MDM1: variants seen among roughly 807,000 people sequenced by gnomAD.
The protein encoded by MDM1 is stabilizer of axonemal microtubules 6.
A neutral mutation model predicts 89.1 loss-of-function variants in MDM1; 61 were observed. That is an observed-to-expected ratio of 0.68 (90% CI 0.56 to 0.85). The LOEUF (loss-of-function observed/expected upper bound fraction) is 0.85. MDM1 is among the 40% of genes least tolerant of loss of function. The pLI, the probability that MDM1 is intolerant of heterozygous loss-of-function variation, is 0.00. For synonymous variants in MDM1, 290 were observed against 294.1 expected (o/e 0.99, Z 0.14); for missense variants, 820 against 846.5 (o/e 0.97, Z 0.39).
rs1464414281 is a variant in MDM1 at position 68,295,170 on chromosome 12, A to G, written c.*84T>C. 1 of 809,872 alleles carries G rather than the reference A, an allele frequency of 1.2e-6. No individual in the cohort carries two copies. Among genetic ancestry groups the G allele is most frequent in the Non-Finnish European group, 2.0e-6 (1 of 494,666 alleles). 50.2% of individuals were successfully genotyped at this position (809,872 alleles called of 1,614,324 possible). On this transcript the variant is annotated 3_prime_UTR_variant, in exon 15 of 15. Coordinates refer to ENST00000682720, the MANE Select transcript of MDM1 (RefSeq NM_001354969.2). ...TTCAAAGTAGAAAACGTTAGGAAAA[A>G]CTTCACTCAAAAAATTTTAACACAG... is the stretch of plus-strand genomic sequence containing the variant.
chr12:68,314,051 G>A (rs1324827540), intron 10 of MDM1, among the ~76,000 whole-genome samples: 1 of 151,376 alleles, frequency 6.6e-6, no homozygotes, highest in African/African-American at 2.4e-5. Flanking sequence ...GCGGGAGAAT[G>A]GCGTGAACCC....
chr12:68,313,612 TAAATA>T, intron 11 of MDM1, 27 bp downstream of exon 11: 1 of 1,608,122 alleles, frequency 6.2e-7, no homozygotes, highest in African/African-American at 1.3e-5. Context: ...AAAAGCAGGT[TAAATA>T]AGAACTGCAC....
chr12:68,319,781 C>CA (rs1874976154), intron 7 of MDM1, among the ~76,000 whole-genome samples: 1 of 151,920 alleles, frequency 6.6e-6, no homozygotes, highest in South Asian at 2.1e-4. Flanking sequence ...ATTTAATAAG[C>CA]AAAAAAAGCT....
intron 2 of MDM1, chr12:68,327,359 T>C: frequency 6.5e-7 from 1 of 1,527,018 alleles, no homozygotes; most frequent in South Asian, 1.2e-5. Context: ...TCGTTTCTAA[T>C]TACTTTCCTG....
chr12:68,302,985 A>ACACAACC, intron 12 of MDM1, 113 bp from the exon 13 acceptor site: 58 of 966,712 alleles, frequency 6.0e-5, no homozygotes, highest in Non-Finnish European at 5.4e-5. Flanking sequence ...GAGAAATATG[A>ACACAACC]GAGAATTTAT....
At chr12:68,315,371 T>C (rs1874350505) in intron 9 of MDM1, 106 bp from the exon 10 acceptor site, 24 of 1,045,608 alleles carry the variant, frequency 2.3e-5, no homozygotes, top group Non-Finnish European at 2.9e-5. Context: ...CACAACTACA[T>C]GTTTTCCATA....
intron 7 of MDM1, among the ~76,000 whole-genome samples, chr12:68,319,350 T>C (rs1874915819): frequency 6.6e-6 from 1 of 152,146 alleles, no homozygotes; most frequent in Non-Finnish European, 1.5e-5. Context: ...ATTCAAAAAG[T>C]ATATCTCAAA....
In MDM1 at chr12:68,295,131, T is replaced by C. The variant is rs999179640; in HGVS notation, c.*123A>G. Reference sequence around the variant, plus strand: ...ACAATTTCCAAGTAAACTGTTCTATTGGAAATTAAATATTTCAAAGTAGAA... The same window carrying C: ...ACAATTTCCAAGTAAACTGTTCTATCGGAAATTAAATATTTCAAAGTAGAA... On this transcript the variant is annotated 3_prime_UTR_variant, in exon 15 of 15. Coordinates refer to ENST00000682720, the MANE Select transcript of MDM1 (RefSeq NM_001354969.2). The C allele has an allele frequency of 1.7e-6, 1 of 600,106 alleles. No individual in the cohort carries two copies. Among genetic ancestry groups the C allele is most frequent in the Non-Finnish European group, 3.0e-6 (1 of 336,040 alleles). The allele number at this position is 600,106 out of a possible 1,614,324, so 37.2% of individuals were successfully genotyped here.
At chr12:68,316,491 A>G (rs924784171) in intron 8 of MDM1, 90 bp downstream of exon 8, 2 of 1,123,232 alleles carry the variant, frequency 1.8e-6, no homozygotes, top group African/African-American at 1.6e-5. Context: ...CATAGCAGCT[A>G]AGAAAAATAT....
chr12:68,316,441 T>C, intron 8 of MDM1, 140 bp downstream of exon 8: 1 of 931,966 alleles, frequency 1.1e-6, no homozygotes, highest in East Asian at 2.6e-5. Context: ...TAAAGCATGA[T>C]GCAGTTATTT....
At chr12:68,320,238 C>T (rs191876988) in intron 7 of MDM1, among the ~76,000 whole-genome samples, 1 of 152,346 alleles carries the variant, frequency 6.6e-6, no homozygotes, top group East Asian at 1.9e-4. Context: ...CACTGCCTTT[C>T]TTCCATCACG....
chr12:68,312,003 G>A (rs149485202), intron 12 of MDM1, among the ~76,000 whole-genome samples: 29 of 152,158 alleles, frequency 1.9e-4, no homozygotes, highest in African/African-American at 5.1e-4. Flanking sequence ...TACCAGTCTC[G>A]TTTGTCACCA....
chr12:68,296,993 A>G lies in MDM1; in HGVS notation c.2003-11T>C. 1 of 1,587,866 alleles carries G rather than the reference A, an allele frequency of 6.3e-7. No individual in the cohort carries two copies. On this transcript the variant is annotated splice_polypyrimidine_tract_variant and intron_variant, in intron 13 of 14. Coordinates refer to ENST00000682720, the MANE Select transcript of MDM1 (RefSeq NM_001354969.2). ...TCCTTGCTTTTCCCACTTAAAAAAA[A>G]AAAGGCAGAATAAATTATCCTTCAA...
In MDM1 at chr12:68,296,985, T is replaced by TAA. The variant is rs748277745; in HGVS notation, c.2003-5_2003-4dup. The stretch of plus-strand genomic sequence containing the variant: ...ATTGTTCATCCTTGCTTTTCCCACT[T>TAA]AAAAAAAAAAAGGCAGAATAAATTA... On this transcript the variant is annotated splice_region_variant and splice_polypyrimidine_tract_variant and intron_variant, in intron 13 of 14. Transcript: ENST00000682720. 4.9e-5 allele frequency: 61 copies of TAA among 1,253,662 alleles called. No homozygotes were observed. Among genetic ancestry groups the TAA allele is most frequent in the Middle Eastern group, 4.1e-4 (2 of 4,926 alleles). 77.7% of individuals were successfully genotyped at this position (1,253,662 alleles called of 1,614,324 possible).
intron 4 of MDM1, chr12:68,324,861 A>G (rs1875731850): frequency 3.1e-6 from 1 of 318,356 alleles, no homozygotes. Context: ...TCTATTAGTA[A>G]TGGTATCTCA....
rs1369158075 is a variant in MDM1 at position 68,326,886 on chromosome 12, T to G, written c.269A>C (p.Glu90Ala). 1.1e-5 allele frequency: 18 copies of G among 1,614,044 alleles called. No homozygotes were observed. Among genetic ancestry groups the G allele is most frequent in the African/African-American group, 1.3e-5 (1 of 74,918 alleles). Residue 90 changes from glutamate (E) to alanine (A), a missense_variant, in exon 3 of 15, where the codon GAA (glutamate) becomes GCA (alanine). Coordinates refer to ENST00000682720, the MANE Select transcript of MDM1 (RefSeq NM_001354969.2). ...VVASPEPEAP[E>A]TPKSQEAEQK... ...TTCTGCTTCTTGTGATTTTGGTGTT[T>G]CCGGGGCTTCTGGTTCTGGTGATGC...
At chr12:68,295,479 G>A in intron 14 of MDM1, 113 bp from the exon 15 acceptor site, 1 of 650,272 alleles carries the variant, frequency 1.5e-6, no homozygotes, top group Non-Finnish European at 2.6e-6. Context: ...TCAATGTCAA[G>A]TTAGTCAGGA....
chr12:68,322,629 G>C (rs1390305853), intron 5 of MDM1, among the ~76,000 whole-genome samples: 1 of 152,082 alleles, frequency 6.6e-6, no homozygotes, highest in Non-Finnish European at 1.5e-5. Context: ...CCAAGACTCT[G>C]TCTCGAAAAA....
rs765325330 is a variant in MDM1 at position 68,326,720 on chromosome 12, T to C, written c.435A>G (p.Pro145=). ...GTTCCAGTTCCACATTTTCATTAAC[T>C]GGTGTATGGTTTGTTACACCCTCAT... ...ENNEGVTNHT[P]VNENVELEHS... The change falls in exon 3 of 15, where the codon CCA becomes CCG. Residue 145 remains proline, a synonymous_variant. Coordinates refer to ENST00000682720, the MANE Select transcript of MDM1 (RefSeq NM_001354969.2). The C allele has an allele frequency of 8.7e-6, 14 of 1,614,076 alleles. No homozygotes were observed. In the Admixed American group the frequency reaches 1.2e-4, roughly 13 times the overall value.
Sources: allele counts gnomAD v4.1 joint callset (sites outside exome capture counted in the v4.1 genomes callset), GRCh38; gene constraint gnomAD v4.1.1; transcripts MANE v1.5; gene names NCBI Gene and HGNC (gene_info 2026-07-23, HGNC 2026-07-21).